The following CFAP74 variants were observed in gnomAD, a reference collection of about 807,000 sequenced individuals.
CFAP74 encodes cilia- and flagella-associated protein 74.
Under a neutral mutation model 188.9 loss-of-function variants are expected in CFAP74, and 124 were observed. That is an observed-to-expected ratio of 0.66 (90% CI 0.57 to 0.76). The LOEUF is 0.76. CFAP74 is among the 30% of genes least tolerant of loss of function. The pLI, the probability that CFAP74 is intolerant of heterozygous loss-of-function variation, is 0.00. For synonymous variants in CFAP74, 956 were observed against 916.7 expected (o/e 1.04, Z -0.77); for missense variants, 2,198 against 2,165.2 (o/e 1.02, Z -0.30).
rs757838650 is a variant in CFAP74, at chr1:1,925,856, G to A, written c.4031C>T (p.Thr1344Met). ...LMGTGVASMI[T>M]CSIEGSVLNM... ...GAGGACGCTGCCTTCAATGGAGCAC[G>A]TGATCATGGACGCCACGCCAGTGCC... is the stretch of plus-strand genomic sequence containing the variant. Residue 1344 changes from threonine to methionine, a missense_variant, in exon 33 of 39, where the codon ACG (threonine) becomes ATG (methionine). Physicochemically the swap from Thr to Met is moderately conservative, Grantham distance 81. Transcript: ENST00000682832. 3.8e-5 allele frequency: 61 copies of A among 1,612,596 alleles called. No individual in the cohort carries two copies. Among genetic ancestry groups the A allele is most frequent in the Non-Finnish European group, 4.4e-5 (52 of 1,179,932 alleles).
Position 1,973,959 on chromosome 1 carries a change from G to A in CFAP74, c.674+66C>T. 6.4e-6 allele frequency: 9 copies of A among 1,412,852 alleles called. No individual in the cohort carries two copies. Among genetic ancestry groups the A allele is most frequent in the Non-Finnish European group, 7.5e-6 (8 of 1,063,454 alleles). 87.5% of individuals were successfully genotyped at this position (1,412,852 alleles called of 1,614,324 possible). On this transcript the variant is annotated intron_variant, in intron 7 of 38. Transcript: ENST00000682832. The surrounding 1 kb of genome is among the most constrained non-coding windows in gnomAD (Gnocchi z 6.2). ...GAGGCTGAATCTGGAGACCCCTGGG[G>A]GAGAGGGCGGAGGGGCTGGCAGAAG...
chr1:1,939,624 G>C lies in CFAP74; in HGVS notation c.2847C>G (p.Pro949=), dbSNP rs1352692638. 1.3e-6 allele frequency: 2 copies of C among 1,535,948 alleles called. No individual in the cohort carries two copies. The highest frequency in any genetic ancestry group is 4.9e-5 in the East Asian group (2 of 40,926). ...EISLHNHSLL[P]QEFGFVRLPK... Reference sequence around the variant, plus strand: ...GAAGCCTGACGAACCCGAACTCCTGGGGCAGGAGCGAGTGGTTGTGGAGGC... The same window carrying C: ...GAAGCCTGACGAACCCGAACTCCTGCGGCAGGAGCGAGTGGTTGTGGAGGC... The change falls in exon 24 of 39, where the codon CCC becomes CCG. Residue 949 remains proline, a synonymous_variant. Transcript: ENST00000682832.
intron 6 of CFAP74, among the ~76,000 whole-genome samples, chr1:1,976,722 T>C (rs1033484688): frequency 2.6e-5 from 4 of 152,132 alleles, no homozygotes; most frequent in East Asian, 1.9e-4. Flanking sequence ...TTTGTATTTT[T>C]AGTAGAGACG....
At chr1:1,932,169 G>A (rs748610606) in intron 25 of CFAP74, among the ~76,000 whole-genome samples, 39 of 151,728 alleles carry the variant, frequency 2.6e-4, no homozygotes, top group Non-Finnish European at 4.6e-4. Context: ...GGCTGAGGCG[G>A]GCAGATCACG....
intron 6 of CFAP74, among the ~76,000 whole-genome samples, chr1:1,981,615 G>A (rs1480735481): frequency 1.3e-5 from 1 of 78,192 alleles, no homozygotes; most frequent in African/African-American, 5.7e-5. Flanking sequence ...ACACAGCCGC[G>A]GACAGACACG....
chr1:1,955,567 A>C (rs564430420), intron 18 of CFAP74, 124 bp downstream of exon 18: 2 of 1,611,930 alleles, frequency 1.2e-6, no homozygotes, highest in Non-Finnish European at 1.7e-6. Context: ...CCGTCACTTA[A>C]CATCGAAGGC....
rs368757041 is a variant in CFAP74, at chr1:1,928,771, G to A, written c.3387+13C>T. On this transcript the variant is annotated intron_variant, in intron 27 of 38. Transcript: ENST00000682832. ...TCCCCGACCTACGCCCCTCCTTCCC[G>A]GGCCCCACGCACAGATTTGGTCTCC... 1.2e-5 allele frequency: 18 copies of A among 1,531,398 alleles called. No homozygotes were observed. Among genetic ancestry groups the A allele is most frequent in the African/African-American group, 5.5e-5 (4 of 72,924 alleles). The allele number at this position is 1,531,398 out of a possible 1,614,324, so 94.9% of individuals were successfully genotyped here. A position where few individuals can be genotyped will look rare whatever the true frequency, so the allele number is the denominator to read the frequency against.
At chr1:1,931,091 G>T (rs974192461) in intron 25 of CFAP74, among the ~76,000 whole-genome samples, 1 of 152,150 alleles carries the variant, frequency 6.6e-6, no homozygotes, top group African/African-American at 2.4e-5. Flanking sequence ...ATATTCAAAT[G>T]CGTATTTTTA....
chr1:1,928,951 C>A lies in CFAP74; in HGVS notation c.3289-69G>T. 3.0e-6 allele frequency: 3 copies of A among 1,011,824 alleles called. No homozygotes were observed. In the South Asian group the frequency reaches 4.3e-5, roughly 15 times the overall value. The allele number at this position is 1,011,824 out of a possible 1,614,324, so 62.7% of individuals were successfully genotyped here. A position where few individuals can be genotyped will look rare whatever the true frequency, so the allele number is the denominator to read the frequency against. On this transcript the variant is annotated intron_variant, in intron 26 of 38. Coordinates refer to ENST00000682832, the MANE Select transcript of CFAP74 (RefSeq NM_001304360.2). ...CACCTCCCCGGAGCCCCTGCGGGCA[C>A]TCTACCGTCCTCTGCCCGTGGACTC... is the stretch of plus-strand genomic sequence containing the variant.
At chr1:1,957,283 GC>G (rs1654710887) in intron 16 of CFAP74, among the ~76,000 whole-genome samples, 1 of 152,220 alleles carries the variant, frequency 6.6e-6, no homozygotes, top group African/African-American at 2.4e-5. Flanking sequence ...CCTCGGCTCT[GC>G]CCAATGGCCC....
chr1:1,955,587 T>G (rs1015084851), intron 18 of CFAP74, 104 bp downstream of exon 18: 4 of 1,611,560 alleles, frequency 2.5e-6, no homozygotes, highest in Non-Finnish European at 3.4e-6. Flanking sequence ...CCTAGGAAAA[T>G]TCTCTACTTT....
chr1:1,947,324 C>T (rs1179920600), intron 18 of CFAP74, among the ~76,000 whole-genome samples: 1 of 152,232 alleles, frequency 6.6e-6, no homozygotes, highest in Non-Finnish European at 1.5e-5. Context: ...GTATTAGAGG[C>T]TGGAGTGGGA....
In CFAP74 at chr1:1,923,536, C is replaced by A. The variant is rs760693210; in HGVS notation, c.4390-37G>T. 13 of 1,593,198 alleles carry A rather than the reference C, an allele frequency of 8.2e-6. No homozygotes were observed. Among genetic ancestry groups the A allele is most frequent in the Non-Finnish European group, 2.6e-6 (3 of 1,165,816 alleles). Reference sequence around the variant, plus strand: ...AAGTGGAGTGGCCTTGTCCCCGAAGCTCGGCGGCAGGGGTCCTGCTGGTGA... The same window carrying A: ...AAGTGGAGTGGCCTTGTCCCCGAAGATCGGCGGCAGGGGTCCTGCTGGTGA... On this transcript the variant is annotated intron_variant, in intron 35 of 38. Transcript: ENST00000682832. This position sits in a 1 kb window ranked among gnomAD's most constrained non-coding sequence, Gnocchi z 6.3.
At chr1:1,984,344 C>CTAGTAAAG (rs1657102020) in intron 6 of CFAP74, 1 of 151,038 alleles carries the variant, frequency 6.6e-6, no homozygotes, top group South Asian at 2.1e-4. Flanking sequence ...TCACATCAAC[C>CTAGTAAAG]TAGTAAAGTG....
intron 18 of CFAP74, 45 bp from the exon 19 acceptor site, chr1:1,947,099 G>A (rs1318316030): frequency 2.1e-6 from 3 of 1,417,600 alleles, no homozygotes; most frequent in Admixed American, 3.9e-5. Context: ...GCAGGGTGGA[G>A]GCAGTGTGGC....
intron 11 of CFAP74, among the ~76,000 whole-genome samples, chr1:1,967,855 C>T (rs1184341463): frequency 2.6e-5 from 4 of 152,210 alleles, no homozygotes; most frequent in African/African-American, 9.6e-5. Context: ...CCTGCAGCAG[C>T]AGTGGACACC....
Position 1,965,129 on chromosome 1 carries a change from G to A in CFAP74, c.1402-68C>T, listed in dbSNP as rs373438960. On this transcript the variant is annotated intron_variant, in intron 12 of 38. Transcript: ENST00000682832. ...ACCTGGGCGGCGCCGGTGGCAGCTCGGAGGCGAGGGTAGCGGTTAGCAGAG... is the reference window on the plus strand; with the variant it reads ...ACCTGGGCGGCGCCGGTGGCAGCTCAGAGGCGAGGGTAGCGGTTAGCAGAG... 113 of 1,481,732 alleles carry A rather than the reference G, an allele frequency of 7.6e-5. No individual in the cohort carries two copies. In the African/African-American group the frequency reaches 8.7e-4, roughly 11 times the overall value. The allele number at this position is 1,481,732 out of a possible 1,614,324, so 91.8% of individuals were successfully genotyped here.
chr1:1,926,717 GCCA>G lies in CFAP74; in HGVS notation c.3704_3706del (p.Val1235del). On this transcript the variant is annotated inframe_deletion, in exon 30 of 39. Coordinates refer to ENST00000682832, the MANE Select transcript of CFAP74 (RefSeq NM_001304360.2). ...ATGGGACGTCACCACAACAGATGGT[GCCA>G]CCGTCGGGCACCACAGCTCCAGGTA... The G allele has an allele frequency of 1.3e-6, 2 of 1,550,180 alleles. No homozygotes were observed. The highest frequency in any genetic ancestry group is 1.2e-5 in the South Asian group (1 of 84,058).
At chr1:1,959,773 G>A (rs1375067521) in intron 15 of CFAP74, among the ~76,000 whole-genome samples, 191 bp downstream of exon 15, 5 of 152,328 alleles carry the variant, frequency 3.3e-5, no homozygotes, top group Admixed American at 1.3e-4. Context: ...GCTGCGCCGC[G>A]GTTCTGCCCA....
Sources: gnomAD v4.1 joint callset for allele counts (sites outside exome capture counted in the v4.1 genomes callset) on GRCh38, gnomAD v4.1.1 for gene constraint, Gnocchi (gnomAD v3.1) non-coding constraint, MANE v1.5 for transcripts, NCBI Gene and HGNC (gene_info 2026-07-23, HGNC 2026-07-21) for gene names.